MRPS25: variants seen among roughly 807,000 people sequenced by gnomAD.
The protein encoded by MRPS25 is mitochondrial ribosomal protein S25.
In MRPS25, 15 loss-of-function variants were observed where a neutral mutation model predicts 17.3. That is an observed-to-expected ratio of 0.87 (90% confidence interval 0.58 to 1.34). The LOEUF (loss-of-function observed/expected upper bound fraction) is 1.34. Among genes scored for constraint, MRPS25 ranks in the 40% most tolerant of loss-of-function variants. The pLI, the probability that MRPS25 is intolerant of heterozygous loss-of-function variation, is 0.00. For synonymous variants in MRPS25, 94 were observed against 83.3 expected (o/e 1.13, Z -0.70); for missense variants, 225 against 218.6 (o/e 1.03, Z -0.19).
chr3:15,065,169 A>T lies in MRPS25; in HGVS notation c.26T>A (p.Ile9Asn), dbSNP rs1575075317. 1 of 1,606,026 alleles carries T rather than the reference A, an allele frequency of 6.2e-7. No homozygotes were observed. ...GCTCAGATATTGCAGGGTGCGGCGG[A>T]TGGGGAAGCGGCCCTTCATGGGCAT... MPMKGRFP[I>N]RRTLQYLSQG... is the part of the protein sequence containing the mutation. The change falls in exon 1 of 4, where the codon ATC (isoleucine) becomes AAC (asparagine). Residue 9 changes from isoleucine (I) to asparagine (N), a missense_variant. Coordinates refer to ENST00000253686, the MANE Select transcript of MRPS25 (RefSeq NM_022497.5).
At chr3:15,042,653 G>T (rs1408794389), downstream of MRPS25, 2 of 584,048 alleles carry the variant, frequency 3.4e-6, no homozygotes, top group Non-Finnish European at 6.1e-6. Flanking sequence ...TACTCATTTG[G>T]TTTTTTCTCA....
At position 15,050,484 on chromosome 3, in the gene MRPS25, C is replaced by T. The variant is rs2125130729; in HGVS notation, c.*1957G>A. On this transcript the variant is annotated 3_prime_UTR_variant, in exon 4 of 4. Coordinates refer to ENST00000253686, the MANE Select transcript of MRPS25 (RefSeq NM_022497.5). Reference sequence around the variant, plus strand: ...TTTGTGTGTCACTAGCTATGGAGACCTACACTGCAGATGAAAGCCAAAAGG... The same window carrying T: ...TTTGTGTGTCACTAGCTATGGAGACTTACACTGCAGATGAAAGCCAAAAGG... 1 of 986,604 alleles carries T rather than the reference C, an allele frequency of 1.0e-6. No individual in the cohort carries two copies. Among genetic ancestry groups the T allele is most frequent in the South Asian group, 4.7e-5 (1 of 21,372 alleles). 61.1% of individuals were successfully genotyped at this position (986,604 alleles called of 1,614,324 possible). A position where few individuals can be genotyped will look rare whatever the true frequency, so the allele number is the denominator to read the frequency against.
downstream of MRPS25, chr3:15,046,024 A>C (rs568165148): frequency 6.6e-6 from 1 of 152,368 alleles, no homozygotes; most frequent in South Asian, 2.1e-4. Context: ...GGACAGGAAG[A>C]GATTTTTTGA....
At chr3:15,056,074 G>A (rs1330367791) in intron 2 of MRPS25, among the ~76,000 whole-genome samples, 1 of 151,980 alleles carries the variant, frequency 6.6e-6, no homozygotes, top group Non-Finnish European at 1.5e-5. Context: ...TTAGCCAGGC[G>A]TGGTGTGGCG....
intron 1 of MRPS25, among the ~76,000 whole-genome samples, chr3:15,064,659 T>C (rs1469992181): frequency 6.6e-6 from 1 of 152,216 alleles, no homozygotes; most frequent in Non-Finnish European, 1.5e-5. Flanking sequence ...GCCGCTGTTA[T>C]TTCTCTCATT....
chr3:15,043,144 T>G, downstream of MRPS25: 1 of 731,194 alleles, frequency 1.4e-6, no homozygotes. Context: ...CCTTATCTGT[T>G]AATCCCAGAC....
rs993753365 is a variant in MRPS25 at position 15,051,142 on chromosome 3, G to A, written c.*1299C>T. On this transcript the variant is annotated 3_prime_UTR_variant, in exon 4 of 4. Transcript: ENST00000253686. ...AGGTCTCCTTGGCTGAGTTTCTAGG[G>A]GTCCGTGGTCCAACTGGTCCTTCAC... 1.0e-6 allele frequency: 1 copy of A among 985,162 alleles called. No homozygotes were observed. The highest frequency in any genetic ancestry group is 1.7e-5 in the African/African-American group (1 of 57,272). 61.0% of individuals were successfully genotyped at this position (985,162 alleles called of 1,614,324 possible). A position where few individuals can be genotyped will look rare whatever the true frequency, so the allele number is the denominator to read the frequency against.
rs764525765 is a variant in MRPS25 at position 15,049,558 on chromosome 3, C to G, written c.*2883G>C. On this transcript the variant is annotated 3_prime_UTR_variant, in exon 4 of 4. Coordinates refer to ENST00000253686, the MANE Select transcript of MRPS25 (RefSeq NM_022497.5). Reference sequence around the variant, plus strand: ...GGAAGCCACACACATGTTTCTGGAGCAGAGCACAGTTAGGCTGCTGGAACA... The same window carrying G: ...GGAAGCCACACACATGTTTCTGGAGGAGAGCACAGTTAGGCTGCTGGAACA... The G allele has an allele frequency of 2.5e-4, 88 of 347,116 alleles. No individual in the cohort carries two copies. Among genetic ancestry groups the G allele is most frequent in the Non-Finnish European group, 3.6e-4 (70 of 193,328 alleles). The allele number at this position is 347,116 out of a possible 1,614,324, so 21.5% of individuals were successfully genotyped here. A position where few individuals can be genotyped will look rare whatever the true frequency, so the allele number is the denominator to read the frequency against.
rs541426316 is a variant in MRPS25 at position 15,061,367 on chromosome 3, T to C, written c.135-1892A>G. Among the ~76,000 whole-genome samples the C allele has an allele frequency of 2.2e-4, 33 of 152,300 alleles. 4 individuals are homozygous for C. Among genetic ancestry groups the C allele is most frequent in the South Asian group, 2.1e-3 (10 of 4,828 alleles). ...AGCGCCTGCGATTGCAGGCGCGCGC[T>C]GCCACGCCTGACTGGTTTTCGTATT... is the stretch of plus-strand genomic sequence containing the variant. On this transcript the variant is annotated intron_variant, in intron 1 of 3. Coordinates refer to ENST00000253686, the MANE Select transcript of MRPS25 (RefSeq NM_022497.5).
chr3:15,059,311 G>A lies in MRPS25; in HGVS notation c.241+58C>T, dbSNP rs1426173433. 13 of 1,164,830 alleles carry A rather than the reference G, an allele frequency of 1.1e-5. No homozygotes were observed. In the East Asian group the frequency reaches 1.9e-4, roughly 17 times the overall value. 72.2% of individuals were successfully genotyped at this position (1,164,830 alleles called of 1,614,324 possible). A position where few individuals can be genotyped will look rare whatever the true frequency, so the allele number is the denominator to read the frequency against. ...ATCCTGACGCTCCCATAGGAAGGAC[G>A]CAGTCTCTCCAGGCATGTCTGGGAC... On this transcript the variant is annotated intron_variant, in intron 2 of 3. Transcript: ENST00000253686.
In MRPS25 at chr3:15,050,583, A is replaced by G. The variant is rs1272420078; in HGVS notation, c.*1858T>C. 1.0e-6 allele frequency: 1 copy of G among 985,394 alleles called. No individual in the cohort carries two copies. The highest frequency in any genetic ancestry group is 1.2e-6 in the Non-Finnish European group (1 of 829,998). 61.0% of individuals were successfully genotyped at this position (985,394 alleles called of 1,614,324 possible). A position where few individuals can be genotyped will look rare whatever the true frequency, so the allele number is the denominator to read the frequency against. On this transcript the variant is annotated 3_prime_UTR_variant, in exon 4 of 4. Coordinates refer to ENST00000253686, the MANE Select transcript of MRPS25 (RefSeq NM_022497.5). Reference sequence around the variant, plus strand: ...CAGGTGGTATCAAGGTCAAGACTTCAGTCAGTTGGGTGGGGAACTGAAACC... The same window carrying G: ...CAGGTGGTATCAAGGTCAAGACTTCGGTCAGTTGGGTGGGGAACTGAAACC...
At position 15,050,204 on chromosome 3, in the gene MRPS25, T is replaced by C. The variant is rs2125130534; in HGVS notation, c.*2237A>G. 2 of 1,179,578 alleles carry C rather than the reference T, an allele frequency of 1.7e-6. No homozygotes were observed. 73.1% of individuals were successfully genotyped at this position (1,179,578 alleles called of 1,614,324 possible). On this transcript the variant is annotated 3_prime_UTR_variant, in exon 4 of 4. Transcript: ENST00000253686. ...ATTTCCACAAATTATCTGCTGCCTG[T>C]GAAGCTGGCCACACAGGCAGTAACT...
At chr3:15,053,729 T>A (rs763170215) in intron 2 of MRPS25, 104 of 484,050 alleles carry the variant, frequency 2.1e-4, no homozygotes, top group Non-Finnish European at 3.5e-4. Context: ...GACCCAATAT[T>A]CTTAAGACGG....
chr3:15,049,218 G>T lies in MRPS25; in HGVS notation c.*3223C>A, dbSNP rs926217361. On this transcript the variant is annotated 3_prime_UTR_variant, in exon 4 of 4. Transcript: ENST00000253686. The stretch of plus-strand genomic sequence containing the variant: ...GTTTCAATGTGGCATTATTGTTGTG[G>T]CTTAATACTACTACCTAAATGAGGT... 1 of 152,616 alleles carries T rather than the reference G, an allele frequency of 6.6e-6. No homozygotes were observed. Among genetic ancestry groups the T allele is most frequent in the Non-Finnish European group, 1.5e-5 (1 of 68,040 alleles). 9.5% of individuals were successfully genotyped at this position (152,616 alleles called of 1,614,324 possible).
At chr3:15,064,970 G>A (rs936888623) in intron 1 of MRPS25, 91 bp downstream of exon 1, 3 of 1,485,260 alleles carry the variant, frequency 2.0e-6, no homozygotes, top group South Asian at 1.2e-5. Flanking sequence ...GGGATGAACG[G>A]CCGCCCAGAG....
chr3:15,055,497 C>T (rs531502957), intron 2 of MRPS25, among the ~76,000 whole-genome samples: 5 of 152,296 alleles, frequency 3.3e-5, no homozygotes, highest in South Asian at 2.1e-4. Flanking sequence ...CAGGAACTCT[C>T]ATAGGTCGCT....
intron 1 of MRPS25, among the ~76,000 whole-genome samples, 184 bp downstream of exon 1, chr3:15,064,877 G>A (rs984732880): frequency 6.6e-6 from 1 of 152,204 alleles, no homozygotes; most frequent in African/African-American, 2.4e-5. Flanking sequence ...ACTGCAGCCG[G>A]CCCGGCGGGG....
intron 1 of MRPS25, among the ~76,000 whole-genome samples, chr3:15,060,130 T>G (rs951034370): frequency 1.3e-5 from 2 of 151,982 alleles, no homozygotes; most frequent in Non-Finnish European, 2.9e-5. Flanking sequence ...TGGAAGAGTA[T>G]GGAGGTTTGG....
chr3:15,054,566 G>A (rs2042646728), intron 2 of MRPS25, among the ~76,000 whole-genome samples: 1 of 152,000 alleles, frequency 6.6e-6, no homozygotes, highest in Non-Finnish European at 1.5e-5. Flanking sequence ...AACTCAAAAT[G>A]GATTTGAGAC....
Sources: allele counts gnomAD v4.1 joint callset (sites outside exome capture counted in the v4.1 genomes callset), GRCh38; gene constraint gnomAD v4.1.1; transcripts MANE v1.5; gene names NCBI Gene and HGNC (gene_info 2026-07-23, HGNC 2026-07-21).